The following BLMH variants were observed in gnomAD, a reference collection of about 807,000 sequenced individuals.
The protein encoded by BLMH is bleomycin hydrolase.
BLMH carries 32 observed loss-of-function variants against 61.6 expected under a neutral mutation model. The ratio of observed to expected loss-of-function variants is 0.52; its 90% CI spans 0.39 to 0.70. The LOEUF is 0.70. Among genes scored for constraint, BLMH ranks in the 30% least tolerant of loss-of-function variants. The pLI is 0.00. For missense variants in BLMH, 460 were observed against 555.5 expected (o/e 0.83, Z 1.73); for synonymous variants, 183 against 193.8 (o/e 0.94, Z 0.46).
At chr17:30,270,527 C>G (rs1908241118) in intron 10 of BLMH, among the ~76,000 whole-genome samples, 1 of 150,558 alleles carries the variant, frequency 6.6e-6, no homozygotes, top group African/African-American at 2.4e-5. Flanking sequence ...AAATGATTTT[C>G]TAGAACAATT....
At chr17:30,256,257 A>G (rs1040910109) in intron 11 of BLMH, among the ~76,000 whole-genome samples, 6 of 152,114 alleles carry the variant, frequency 3.9e-5, no homozygotes, top group Admixed American at 1.3e-4. Context: ...TATATTTTAT[A>G]TTGGTTGCAA....
Position 30,248,899 on chromosome 17 carries a change from T to C in BLMH, c.*118A>G. On this transcript the variant is annotated 3_prime_UTR_variant, in exon 12 of 12. Transcript: ENST00000261714. ...AGAGGTTCCTGGTGGAGACTGGAAATCTGACTGTGTCCTGTGGCAACACAC... is the reference window on the plus strand; with the variant it reads ...AGAGGTTCCTGGTGGAGACTGGAAACCTGACTGTGTCCTGTGGCAACACAC... The C allele has an allele frequency of 7.8e-7, 1 of 1,290,146 alleles. No homozygotes were observed. Among genetic ancestry groups the C allele is most frequent in the Non-Finnish European group, 1.1e-6 (1 of 927,966 alleles). 79.9% of individuals were successfully genotyped at this position (1,290,146 alleles called of 1,614,324 possible). A position where few individuals can be genotyped will look rare whatever the true frequency, so the allele number is the denominator to read the frequency against.
intron 9 of BLMH, 27 bp downstream of exon 9, chr17:30,272,534 T>C (rs1908305031): frequency 1.9e-6 from 3 of 1,613,326 alleles, no homozygotes; most frequent in Non-Finnish European, 1.7e-6. Context: ...CACAAATGAC[T>C]TTCCATTTTA....
chr17:30,251,063 T>C (rs984611583), intron 11 of BLMH, among the ~76,000 whole-genome samples: 18 of 152,236 alleles, frequency 1.2e-4, no homozygotes, highest in African/African-American at 3.9e-4. Context: ...AAGAATGATA[T>C]AATGGACTTT....
intron 6 of BLMH, among the ~76,000 whole-genome samples, chr17:30,276,075 TTA>T (rs1444536232): frequency 2.0e-5 from 3 of 152,066 alleles, no homozygotes; most frequent in Admixed American, 6.6e-5. Flanking sequence ...ACCAAGTAAT[TTA>T]CTTAAGGTCA....
intron 6 of BLMH, among the ~76,000 whole-genome samples, chr17:30,276,371 G>C (rs975047203): frequency 2.6e-5 from 4 of 152,132 alleles, no homozygotes; most frequent in Admixed American, 1.3e-4. Context: ...TTTGAACTTA[G>C]GGCTGACTTT....
intron 11 of BLMH, among the ~76,000 whole-genome samples, chr17:30,260,375 C>T (rs938733648): frequency 2.0e-5 from 3 of 152,206 alleles, no homozygotes; most frequent in Admixed American, 1.3e-4. Flanking sequence ...GAGGAGATTT[C>T]TCCCTGAAGC....
chr17:30,281,066 G>GT lies in BLMH; in HGVS notation c.645+4321dup, dbSNP rs537927465. Among the ~76,000 whole-genome samples, 330 of 130,608 alleles carry GT rather than the reference G, an allele frequency of 2.5e-3. 2 individuals carry two copies. Among genetic ancestry groups the GT allele is most frequent in the South Asian group, 0.017 (69 of 3,984 alleles). 85.7% of individuals were successfully genotyped at this position (130,608 alleles called of 152,430 possible). ...GAATGAAAGAAGGGCAAAGATCTGT[G>GT]TTTTTTTTTTTGTTGTTTCTTTGTT... On this transcript the variant is annotated intron_variant, in intron 6 of 11. Transcript: ENST00000261714.
At chr17:30,256,637 T>C (rs953053539) in intron 11 of BLMH, among the ~76,000 whole-genome samples, 2 of 152,170 alleles carry the variant, frequency 1.3e-5, no homozygotes, top group African/African-American at 4.8e-5. Flanking sequence ...GCCCATTTTT[T>C]GTTTTTATTA....
At chr17:30,254,277 C>T (rs1907754386) in intron 11 of BLMH, among the ~76,000 whole-genome samples, 1 of 152,180 alleles carries the variant, frequency 6.6e-6, no homozygotes, top group Non-Finnish European at 1.5e-5. Context: ...TCTGCTCTGA[C>T]GGTCTGTCTG....
In BLMH at chr17:30,277,057, A is replaced by G. The variant is rs187316170; in HGVS notation, c.646-2860T>C. ...GCAATTTGTTCACTGCTGTGATTCT[A>G]TCTTAACAGAAGCAAGTTAACTTAG... On this transcript the variant is annotated intron_variant, in intron 6 of 11. Coordinates refer to ENST00000261714, the MANE Select transcript of BLMH (RefSeq NM_000386.4). Among the ~76,000 whole-genome samples, 3 of 152,352 alleles carry G rather than the reference A, an allele frequency of 2.0e-5. No individual in the cohort carries two copies. In the East Asian group the frequency reaches 5.8e-4, roughly 29 times the overall value.
chr17:30,259,756 C>A (rs572158946), intron 11 of BLMH, among the ~76,000 whole-genome samples: 1 of 152,256 alleles, frequency 6.6e-6, no homozygotes, highest in African/African-American at 2.4e-5. Context: ...TTCCTTGCAT[C>A]CCATCAATAA....
intron 6 of BLMH, among the ~76,000 whole-genome samples, chr17:30,277,440 G>C (rs947851653): frequency 6.6e-6 from 1 of 152,244 alleles, no homozygotes; most frequent in African/African-American, 2.4e-5. Context: ...AAGGTGTACA[G>C]TCAGAACATA....
intron 10 of BLMH, among the ~76,000 whole-genome samples, chr17:30,268,776 C>T (rs1908181363): frequency 6.6e-6 from 1 of 151,402 alleles, no homozygotes; most frequent in African/African-American, 2.4e-5. Context: ...GTGGCTCATG[C>T]CTGTAATCCC....
At chr17:30,272,369 T>C in intron 9 of BLMH, 192 bp downstream of exon 9, 1 of 636,690 alleles carries the variant, frequency 1.6e-6, no homozygotes, top group Non-Finnish European at 2.8e-6. Flanking sequence ...TTTGATGTCC[T>C]GGGTTAGAGT....
At chr17:30,254,649 T>C (rs7220596) in intron 11 of BLMH, among the ~76,000 whole-genome samples, 6,715 of 152,234 alleles carry the variant, frequency 0.044, 188 homozygotes, top group Middle Eastern at 0.088. Flanking sequence ...TGGGATAGAT[T>C]TTCTCTCCAA....
At chr17:30,288,514 T>C (rs1908793294) in intron 3 of BLMH, among the ~76,000 whole-genome samples, 1 of 151,696 alleles carries the variant, frequency 6.6e-6, no homozygotes, top group South Asian at 2.1e-4. Context: ...CACGCGTGGC[T>C]AATTTTTGTA....
Position 30,289,497 on chromosome 17 carries a change from C to T in BLMH, c.212-15G>A. 1 of 1,587,212 alleles carries T rather than the reference C, an allele frequency of 6.3e-7. No homozygotes were observed. The highest frequency in any genetic ancestry group is 2.2e-5 in the East Asian group (1 of 44,452). ...CCAGCATCGCCCTGAAACAAGAAAG[C>T]ACATCAAGAAATTATGAGGGTTCAC... On this transcript the variant is annotated splice_polypyrimidine_tract_variant and intron_variant, in intron 2 of 11. Coordinates refer to ENST00000261714, the MANE Select transcript of BLMH (RefSeq NM_000386.4).
At chr17:30,279,684 C>A (rs1177765385) in intron 6 of BLMH, among the ~76,000 whole-genome samples, 1 of 152,118 alleles carries the variant, frequency 6.6e-6, no homozygotes, top group Non-Finnish European at 1.5e-5. Flanking sequence ...TGCCTGTAAT[C>A]CCAGCATGTT....
Sources: allele counts gnomAD v4.1 joint callset (sites outside exome capture counted in the v4.1 genomes callset), GRCh38; gene constraint gnomAD v4.1.1; transcripts MANE v1.5; gene names NCBI Gene and HGNC (gene_info 2026-07-23, HGNC 2026-07-21).